FAM3D: variants seen among roughly 807,000 people sequenced by gnomAD.
FAM3D encodes the protein protein FAM3D.
A neutral mutation model predicts 29.8 loss-of-function variants in FAM3D; 26 were observed. That is an observed-to-expected ratio of 0.87 (90% CI 0.64 to 1.21). FAM3D has a LOEUF of 1.21. Ranked by LOEUF, FAM3D falls within the 50% of genes most tolerant of loss-of-function variation. The probability of loss-of-function intolerance (pLI) is 0.00; values close to 1 mark genes in which losing one functional copy is unlikely to be tolerated. For missense variants in FAM3D, 253 were observed against 290.9 expected (o/e 0.87, Z 0.95); for synonymous variants, 115 against 102.3 (o/e 1.12, Z -0.75).
chr3:58,656,983 C>G (rs1024492132), intron 1 of FAM3D, among the ~76,000 whole-genome samples: 1 of 152,238 alleles, frequency 6.6e-6, no homozygotes, highest in East Asian at 1.9e-4. Flanking sequence ...CTCCCACCAC[C>G]CTGATCCTAC....
rs903879765 is a variant in FAM3D, at chr3:58,635,624, G to A, written c.585+670C>T. 2.0e-5 allele frequency among the ~76,000 whole-genome samples: 3 copies of A among 152,200 alleles called. No individual in the cohort carries two copies. Among genetic ancestry groups the A allele is most frequent in the African/African-American group, 7.2e-5 (3 of 41,450 alleles). On this transcript the variant is annotated intron_variant, in intron 9 of 9. Coordinates refer to ENST00000358781, the MANE Select transcript of FAM3D (RefSeq NM_138805.3). The surrounding 1 kb of genome is among the most constrained non-coding windows in gnomAD (Gnocchi z 5.2). ...CTGCAGCACCCCCACAGGACATTCG[G>A]GAACCACACCCGGCCGCCCCCGCCC... is the stretch of plus-strand genomic sequence containing the variant.
At position 58,645,625 on chromosome 3, in the gene FAM3D, C is replaced by T. The variant is rs1333942192; in HGVS notation, c.147G>A (p.Gln49=). 6.2e-7 allele frequency: 1 copy of T among 1,613,868 alleles called. No homozygotes were observed. The highest frequency in any genetic ancestry group is 1.7e-5 in the Admixed American group (1 of 59,986). ...WLAASPTKEI[Q]VKKYKCGLIK... ...TGAGGCCACACTTGTACTTTTTAAC[C>T]TCTGGGGAGGAAAGAGACCAGCCTT... is the stretch of plus-strand genomic sequence containing the variant. Residue 49 remains glutamine, a splice_region_variant and synonymous_variant, in exon 5 of 10, where the codon CAG becomes CAA. Coordinates refer to ENST00000358781, the MANE Select transcript of FAM3D (RefSeq NM_138805.3).
chr3:58,649,486 C>A, intron 3 of FAM3D, 148 bp from the exon 4 acceptor site: 1 of 818,236 alleles, frequency 1.2e-6, no homozygotes, highest in Admixed American at 2.1e-5. Flanking sequence ...CCACTGTCAC[C>A]CCTTCACACA....
In FAM3D at chr3:58,634,719, G is replaced by A. The variant is rs1056536777; in HGVS notation, c.586-351C>T. On this transcript the variant is annotated intron_variant, in intron 9 of 9. Coordinates refer to ENST00000358781, the MANE Select transcript of FAM3D (RefSeq NM_138805.3). This position sits in a 1 kb window ranked among gnomAD's most constrained non-coding sequence, Gnocchi z 4.6. ...GTCTTGAGCGCTTGCTGTATGCCAC[G>A]TGGTGTTCTGCAGGGCCTTATGTAT... Among the ~76,000 whole-genome samples, 8 of 152,116 alleles carry A rather than the reference G, an allele frequency of 5.3e-5. No individual in the cohort carries two copies. Among genetic ancestry groups the A allele is most frequent in the African/African-American group, 1.4e-4 (6 of 41,408 alleles).
At position 58,634,200 on chromosome 3, in the gene FAM3D, T is replaced by G. The variant is rs2066094804; in HGVS notation, c.*79A>C. ...ACGCAGCACCCCCTGCTCCTCCTCC[T>G]CAGCCCCTGCCGGGCTCTGACTCCT... On this transcript the variant is annotated 3_prime_UTR_variant, in exon 10 of 10. Transcript: ENST00000358781. This position sits in a 1 kb window ranked among gnomAD's most constrained non-coding sequence, Gnocchi z 4.6. The G allele has an allele frequency of 7.4e-7, 1 of 1,360,022 alleles. No individual in the cohort carries two copies. Among genetic ancestry groups the G allele is most frequent in the South Asian group, 1.3e-5 (1 of 79,432 alleles). 84.2% of individuals were successfully genotyped at this position (1,360,022 alleles called of 1,614,324 possible).
chr3:58,642,111 C>T (rs543141383), intron 6 of FAM3D, among the ~76,000 whole-genome samples: 1 of 152,292 alleles, frequency 6.6e-6, no homozygotes, highest in South Asian at 2.1e-4. Context: ...GATGCCACTT[C>T]ATTGAGGCTG....
At chr3:58,655,273 A>G (rs971285023) in intron 2 of FAM3D, among the ~76,000 whole-genome samples, 1 of 152,118 alleles carries the variant, frequency 6.6e-6, no homozygotes, top group African/African-American at 2.4e-5. Context: ...CCTCGAGGTA[A>G]ATATTTTTGT....
chr3:58,639,325 G>C (rs1244553089), intron 7 of FAM3D, among the ~76,000 whole-genome samples: 1 of 152,152 alleles, frequency 6.6e-6, no homozygotes, highest in Non-Finnish European at 1.5e-5. Flanking sequence ...ATTTTATGGA[G>C]TGGAAACTAT....
intron 1 of FAM3D, among the ~76,000 whole-genome samples, chr3:58,656,265 C>A (rs776058154): frequency 6.6e-6 from 1 of 152,200 alleles, no homozygotes; most frequent in Non-Finnish European, 1.5e-5. Context: ...TTAATCCTCA[C>A]AACCCCCATG....
Position 58,653,773 on chromosome 3 carries a change from G to A in FAM3D, c.22C>T (p.Arg8Cys), listed in dbSNP as rs778301723. 14 of 1,613,342 alleles carry A rather than the reference G, an allele frequency of 8.7e-6. No individual in the cohort carries two copies. The highest frequency in any genetic ancestry group is 3.3e-5 in the Admixed American group (2 of 60,014). MRVSGVLRLLALIFAIVT... is the reference protein window; with the variant it reads MRVSGVLCLLALIFAIVT... ...ATGGCAAAGATGAGGGCCAGGAGGC[G>A]AAGCACACCTGCTGAGCAAGGGGAT... The change falls in exon 3 of 10, where the codon CGC (arginine) becomes TGC (cysteine). Residue 8 changes from arginine (R) to cysteine (C), a missense_variant. Coordinates refer to ENST00000358781, the MANE Select transcript of FAM3D (RefSeq NM_138805.3).
Position 58,649,351 on chromosome 3 carries a change from CAG to C in FAM3D, c.122-15_122-14del. ...GTGGGCGAGGCTGCTGGAGAGAAGA[CAG>C]AATCTGGTTAGAGGAAAAGCACTTC... On this transcript the variant is annotated splice_polypyrimidine_tract_variant and intron_variant, in intron 3 of 9. Transcript: ENST00000358781. 1 of 1,613,276 alleles carries C rather than the reference CAG, an allele frequency of 6.2e-7. No homozygotes were observed. The highest frequency in any genetic ancestry group is 1.1e-5 in the South Asian group (1 of 91,042).
intron 1 of FAM3D, among the ~76,000 whole-genome samples, chr3:58,662,420 ATCT>A (rs1318330970): frequency 6.6e-6 from 1 of 152,242 alleles, no homozygotes; most frequent in East Asian, 1.9e-4. Flanking sequence ...AGAAGTAATA[ATCT>A]TAATAACAAT....
intron 1 of FAM3D, among the ~76,000 whole-genome samples, chr3:58,659,921 G>A (rs890449577): frequency 6.6e-6 from 1 of 152,138 alleles, no homozygotes; most frequent in Non-Finnish European, 1.5e-5. Flanking sequence ...TCATTATCCC[G>A]GGAAATTCTG....
chr3:58,662,315 C>T (rs1049167951), intron 1 of FAM3D, among the ~76,000 whole-genome samples: 3 of 152,212 alleles, frequency 2.0e-5, no homozygotes, highest in Non-Finnish European at 4.4e-5. Flanking sequence ...AATTAACCAA[C>T]GTGGTGGCCT....
At chr3:58,643,403 C>T (rs1333399813) in intron 6 of FAM3D, among the ~76,000 whole-genome samples, 1 of 152,242 alleles carries the variant, frequency 6.6e-6, no homozygotes, top group Non-Finnish European at 1.5e-5. Flanking sequence ...TCATGTTTCA[C>T]TCATGTTCCA....
At chr3:58,649,383 C>G (rs1363194580) in intron 3 of FAM3D, 45 bp from the exon 4 acceptor site, 8 of 1,613,180 alleles carry the variant, frequency 5.0e-6, no homozygotes, top group African/African-American at 1.3e-5. Context: ...CACTTCGGAC[C>G]CTCCTGCAGG....
chr3:58,661,548 A>C (rs1481794024), intron 1 of FAM3D, among the ~76,000 whole-genome samples: 2 of 152,276 alleles, frequency 1.3e-5, no homozygotes, highest in Non-Finnish European at 2.9e-5. Context: ...TGGCAGCTCC[A>C]GTCATATTTG....
chr3:58,643,992 A>G (rs1423118345), intron 5 of FAM3D, among the ~76,000 whole-genome samples: 1 of 152,190 alleles, frequency 6.6e-6, no homozygotes, highest in Non-Finnish European at 1.5e-5. Context: ...AGGTGGGGCC[A>G]GCCCACCCCC....
chr3:58,651,605 G>T (rs888734644), intron 3 of FAM3D, among the ~76,000 whole-genome samples: 1 of 152,210 alleles, frequency 6.6e-6, no homozygotes, highest in African/African-American at 2.4e-5. Context: ...ACTTAATGAT[G>T]GTTGGTTGGA....
Sources: allele counts gnomAD v4.1 joint callset (sites outside exome capture counted in the v4.1 genomes callset), GRCh38; gene constraint gnomAD v4.1.1; non-coding constraint Gnocchi (gnomAD v3.1); transcripts MANE v1.5; gene names NCBI Gene and HGNC (gene_info 2026-07-23, HGNC 2026-07-21).